CAPS2: variants seen among roughly 807,000 people sequenced by gnomAD.
The protein encoded by CAPS2 is calcyphosine 2, also known as calcyphosin-2.
CAPS2 carries 98 observed loss-of-function variants against 86.5 expected under a neutral mutation model. The ratio of observed to expected loss-of-function variants is 1.13; its 90% CI spans 0.96 to 1.34. The LOEUF is 1.34. Among genes scored for constraint, CAPS2 ranks in the 40% most tolerant of loss-of-function variants. CAPS2 has a pLI of 0.00. For synonymous variants in CAPS2, 210 were observed against 225.1 expected (o/e 0.93, Z 0.60); for missense variants, 729 against 686.8 (o/e 1.06, Z -0.69).
At chr12:75,375,256 A>G (rs1181594277) in intron 1 of CAPS2, among the ~76,000 whole-genome samples, 1 of 152,148 alleles carries the variant, frequency 6.6e-6, no homozygotes, top group Non-Finnish European at 1.5e-5. Flanking sequence ...CACTGGCCCC[A>G]CTGTGAGTCA....
At chr12:75,298,843 A>G in intron 10 of CAPS2, 28 bp downstream of exon 10, 2 of 1,590,388 alleles carry the variant, frequency 1.3e-6, no homozygotes, top group Non-Finnish European at 1.7e-6. Context: ...GAACATCTCC[A>G]GAGTTCTAAC....
chr12:75,290,442 A>G (rs557935472), intron 13 of CAPS2, among the ~76,000 whole-genome samples: 43 of 152,304 alleles, frequency 2.8e-4, no homozygotes, highest in Non-Finnish European at 5.9e-4. Context: ...ACATGAGAGA[A>G]AAAAACAAAT....
intron 9 of CAPS2, 31 bp from the exon 10 acceptor site, chr12:75,298,997 C>G: frequency 7.3e-7 from 1 of 1,370,348 alleles, no homozygotes; most frequent in Non-Finnish European, 1.0e-6. Flanking sequence ...CAAACATCTT[C>G]AAATAGAATA....
upstream of CAPS2, among the ~76,000 whole-genome samples, chr12:75,333,178 A>G (rs994421243): frequency 6.6e-6 from 1 of 152,150 alleles, no homozygotes; most frequent in Admixed American, 6.5e-5. Context: ...GTATACAAAC[A>G]TATGTATATG....
upstream of CAPS2, chr12:75,329,779 C>T: frequency 6.8e-7 from 1 of 1,461,622 alleles, no homozygotes; most frequent in Non-Finnish European, 9.3e-7. Flanking sequence ...GGTAATATCT[C>T]CTTTCACCCC....
chr12:75,371,962 A>C (rs906857735), intron 1 of CAPS2, among the ~76,000 whole-genome samples: 2 of 151,772 alleles, frequency 1.3e-5, no homozygotes, highest in Admixed American at 1.3e-4. Context: ...TTCCATACAT[A>C]CTCTTCCTTA....
At chr12:75,388,180 T>C (rs1345240265) in intron 1 of CAPS2, among the ~76,000 whole-genome samples, 1 of 152,076 alleles carries the variant, frequency 6.6e-6, no homozygotes, top group Admixed American at 6.5e-5. Context: ...TTATAAAGAG[T>C]AGTTCCCCTG....
At chr12:75,310,027 T>A (rs1235741428) in intron 7 of CAPS2, among the ~76,000 whole-genome samples, 4 of 152,238 alleles carry the variant, frequency 2.6e-5, no homozygotes, top group African/African-American at 9.6e-5. Flanking sequence ...ATTTAAGTCC[T>A]CTTTTCCAGT....
At chr12:75,354,129 G>A (rs1399754338) in intron 1 of CAPS2, among the ~76,000 whole-genome samples, 1 of 138,128 alleles carries the variant, frequency 7.2e-6, no homozygotes, top group Non-Finnish European at 1.5e-5. Flanking sequence ...CATAGTATTG[G>A]AAGTTCTGGC....
chr12:75,326,308 T>G, intron 1 of CAPS2, 110 bp downstream of exon 2: 1 of 461,070 alleles, frequency 2.2e-6, no homozygotes, highest in Non-Finnish European at 3.9e-6. Flanking sequence ...ATCTAGGAAA[T>G]GTTGATCCTA....
intron 6 of CAPS2, among the ~76,000 whole-genome samples, chr12:75,314,919 A>G (rs1430499690): frequency 1.3e-5 from 2 of 152,178 alleles, no homozygotes; most frequent in African/African-American, 4.8e-5. Flanking sequence ...AGGATCTGTC[A>G]ACACTACAAA....
At chr12:75,285,263 G>A (rs1224381514) in intron 14 of CAPS2, among the ~76,000 whole-genome samples, 183 bp from the exon 15 acceptor site, 1 of 151,994 alleles carries the variant, frequency 6.6e-6, no homozygotes, top group Non-Finnish European at 1.5e-5. Context: ...GGAATCTGTG[G>A]TGAATGGTTC....
chr12:75,354,659 T>G (rs1367249387), intron 1 of CAPS2, among the ~76,000 whole-genome samples: 1 of 151,758 alleles, frequency 6.6e-6, no homozygotes, highest in East Asian at 1.9e-4. Flanking sequence ...CAAAAAAGGG[T>G]TTGTGTAGCC....
intron 1 of CAPS2, among the ~76,000 whole-genome samples, chr12:75,386,837 GA>G (rs1330929889): frequency 2.0e-5 from 3 of 150,658 alleles, no homozygotes; most frequent in African/African-American, 7.3e-5. Context: ...AATGGTTCTG[GA>G]ACAACTGAAC....
chr12:75,372,090 C>T (rs182083993), intron 1 of CAPS2, among the ~76,000 whole-genome samples: 1 of 152,216 alleles, frequency 6.6e-6, no homozygotes, highest in Non-Finnish European at 1.5e-5. Context: ...TCTTGGCTCA[C>T]TGCAACCTCC....
At chr12:75,295,622 G>A (rs1166782253) in intron 11 of CAPS2, among the ~76,000 whole-genome samples, 1 of 152,168 alleles carries the variant, frequency 6.6e-6, no homozygotes, top group African/African-American at 2.4e-5. Flanking sequence ...TGTCTTCTAA[G>A]TACTTGTCAT....
At chr12:75,355,489 G>A (rs2043095379) in intron 1 of CAPS2, among the ~76,000 whole-genome samples, 1 of 152,176 alleles carries the variant, frequency 6.6e-6, no homozygotes, top group Non-Finnish European at 1.5e-5. Flanking sequence ...TGGTGAGGTT[G>A]TGGAGAAATA....
intron 13 of CAPS2, among the ~76,000 whole-genome samples, chr12:75,290,367 C>T (rs746749569): frequency 4.6e-5 from 7 of 152,112 alleles, no homozygotes; most frequent in Non-Finnish European, 8.8e-5. Flanking sequence ...TCACTTAATG[C>T]ACTTTGTACC....
At chr12:75,350,463 C>T (rs1199039750) in intron 1 of CAPS2, among the ~76,000 whole-genome samples, 1 of 152,138 alleles carries the variant, frequency 6.6e-6, no homozygotes, top group Non-Finnish European at 1.5e-5. Context: ...CAGGTCAATG[C>T]CCCTCTGGGA....
Sources: allele counts gnomAD v4.1 joint callset (sites outside exome capture counted in the v4.1 genomes callset), GRCh38; gene constraint gnomAD v4.1.1; transcripts MANE v1.5; gene names NCBI Gene and HGNC (gene_info 2026-07-23, HGNC 2026-07-21).